The following PKIB variants were observed in gnomAD, a reference collection of about 807,000 sequenced individuals.
The protein encoded by PKIB is PKI-beta.
PKIB carries 2 observed loss-of-function variants against 4.5 expected under a neutral mutation model. The ratio of observed to expected loss-of-function variants is 0.44; its 90% CI spans 0.18 to 1.39. The LOEUF (loss-of-function observed/expected upper bound fraction) is 1.39. Among genes scored for constraint, PKIB ranks in the 40% most tolerant of loss-of-function variants. The probability of loss-of-function intolerance (pLI) is 0.27; values close to 1 mark genes in which losing one functional copy is unlikely to be tolerated. For synonymous variants in PKIB, 38 were observed against 36.0 expected (o/e 1.06, Z -0.20); for missense variants, 94 against 92.6 (o/e 1.02, Z -0.06).
intron 2 of PKIB, among the ~76,000 whole-genome samples, chr6:122,503,875 C>G (rs929108767): frequency 2.0e-5 from 3 of 152,096 alleles, no homozygotes; most frequent in South Asian, 2.1e-4. Flanking sequence ...TACAGGAGCA[C>G]CAAAACAAAT....
At chr6:122,477,437 A>G (rs1775478083) in intron 1 of PKIB, among the ~76,000 whole-genome samples, 1 of 152,238 alleles carries the variant, frequency 6.6e-6, no homozygotes. Flanking sequence ...GAGATTTGTA[A>G]GAAGGATAAA....
At chr6:122,660,329 CTCT>C in intron 2 of PKIB, among the ~76,000 whole-genome samples, 1 of 152,206 alleles carries the variant, frequency 6.6e-6, no homozygotes, top group African/African-American at 2.4e-5. Context: ...TACACTTTCA[CTCT>C]TCATCTCAGC....
chr6:122,719,783 A>G (rs1427823159), intron 4 of PKIB, among the ~76,000 whole-genome samples: 1 of 151,308 alleles, frequency 6.6e-6, no homozygotes, highest in Non-Finnish European at 1.5e-5. Flanking sequence ...TATGTGAGGT[A>G]ATGGATATGT....
At chr6:122,511,484 C>G (rs1776583044) in intron 2 of PKIB, among the ~76,000 whole-genome samples, 1 of 152,186 alleles carries the variant, frequency 6.6e-6, no homozygotes, top group Non-Finnish European at 1.5e-5. Flanking sequence ...CATCGGTCCT[C>G]CATTTCACAC....
intron 2 of PKIB, among the ~76,000 whole-genome samples, chr6:122,496,015 C>T (rs1171116291): frequency 6.6e-6 from 1 of 152,190 alleles, no homozygotes; most frequent in African/African-American, 2.4e-5. Flanking sequence ...GGGGCTCCAG[C>T]TCAACCCAGC....
chr6:122,582,998 G>A (rs1297322616), intron 2 of PKIB, among the ~76,000 whole-genome samples: 1 of 151,948 alleles, frequency 6.6e-6, no homozygotes, highest in African/African-American at 2.4e-5. Flanking sequence ...TTAGTCATAT[G>A]AAGAAATATT....
At chr6:122,590,084 G>A (rs1020498241) in intron 3 of PKIB, among the ~76,000 whole-genome samples, 1 of 152,124 alleles carries the variant, frequency 6.6e-6, no homozygotes, top group African/African-American at 2.4e-5. Context: ...ACACTTTTGG[G>A]AAAACGGTAA....
chr6:122,666,008 T>C (rs1777208436), intron 2 of PKIB, among the ~76,000 whole-genome samples: 1 of 152,224 alleles, frequency 6.6e-6, no homozygotes, highest in Non-Finnish European at 1.5e-5. Flanking sequence ...CAACATCCTG[T>C]GAAGTGGAAG....
At chr6:122,652,292 TTGTGTGTGTG>T (rs66695664) in intron 2 of PKIB, among the ~76,000 whole-genome samples, 32,789 of 141,980 alleles carry the variant, frequency 0.23, 4,134 homozygotes, top group Middle Eastern at 0.33. Context: ...ATATGTTGGT[TTGTGTGTGTG>T]TGTGTGTGTG....
intron 3 of PKIB, among the ~76,000 whole-genome samples, chr6:122,710,064 T>C (rs1779210237): frequency 6.6e-6 from 1 of 152,180 alleles, no homozygotes; most frequent in African/African-American, 2.4e-5. Context: ...TAAAGGACCT[T>C]CATTTTCAGC....
intron 2 of PKIB, among the ~76,000 whole-genome samples, chr6:122,534,173 A>G (rs561479822): frequency 2.2e-4 from 32 of 148,634 alleles, no homozygotes; most frequent in Non-Finnish European, 3.9e-4. Flanking sequence ...TAATACTAAC[A>G]TATATAATAT....
chr6:122,599,932 T>A (rs1051708740), intron 3 of PKIB, among the ~76,000 whole-genome samples: 1 of 152,204 alleles, frequency 6.6e-6, no homozygotes, highest in African/African-American at 2.4e-5. Context: ...TACCAAAATC[T>A]GTATTAGTCA....
chr6:122,703,213 T>C (rs1239857896), intron 3 of PKIB, among the ~76,000 whole-genome samples: 4 of 152,216 alleles, frequency 2.6e-5, no homozygotes, highest in African/African-American at 9.6e-5. Context: ...TATATGATAT[T>C]GTTATTACTA....
upstream of PKIB, among the ~76,000 whole-genome samples, chr6:122,606,727 AT>A (rs1415002555): frequency 6.6e-6 from 1 of 151,430 alleles, no homozygotes; most frequent in East Asian, 1.9e-4. Flanking sequence ...ATTTGTGGTA[AT>A]TTTTAATGGC....
chr6:122,609,332 C>T (rs906227925), upstream of PKIB, among the ~76,000 whole-genome samples: 1 of 151,774 alleles, frequency 6.6e-6, no homozygotes, highest in Non-Finnish European at 1.5e-5. Flanking sequence ...AGTATCTAAC[C>T]TTGCTGAACC....
At chr6:122,620,810 CT>C (rs527466679) in intron 1 of PKIB, among the ~76,000 whole-genome samples, 205 of 152,006 alleles carry the variant, frequency 1.3e-3, no homozygotes, top group African/African-American at 4.8e-3. Context: ...ATTGAAATAC[CT>C]TTTTTTGATT....
chr6:122,513,574 A>G (rs902609201), intron 2 of PKIB, among the ~76,000 whole-genome samples: 1 of 151,572 alleles, frequency 6.6e-6, no homozygotes, highest in African/African-American at 2.4e-5. Context: ...GTCATCACCC[A>G]GGTTGTAGTA....
intron 2 of PKIB, among the ~76,000 whole-genome samples, chr6:122,536,038 C>G (rs138217171): frequency 0.01 from 1,540 of 152,292 alleles, 9 homozygotes; most frequent in Non-Finnish European, 0.016. Flanking sequence ...CTCCAGGATT[C>G]AATTGATCCT....
upstream of PKIB, among the ~76,000 whole-genome samples, chr6:122,605,696 C>T (rs968764282): frequency 2.6e-5 from 4 of 152,100 alleles, no homozygotes; most frequent in African/African-American, 7.2e-5. Flanking sequence ...AGAGGGAAGC[C>T]AACTTCCTCA....
Sources: allele counts gnomAD v4.1 joint callset (sites outside exome capture counted in the v4.1 genomes callset), GRCh38; gene constraint gnomAD v4.1.1; transcripts MANE v1.5; gene names NCBI Gene and HGNC (gene_info 2026-07-23, HGNC 2026-07-21).